Variants in AGBL1 observed in about 807,000 individuals in gnomAD.
AGBL1 encodes the protein AGBL carboxypeptidase 1.
AGBL1 carries 130 observed loss-of-function variants against 118.9 expected under a neutral mutation model. The ratio of observed to expected loss-of-function variants is 1.09; its 90% CI spans 0.95 to 1.26. AGBL1 has a LOEUF of 1.26. Ranked by LOEUF, AGBL1 falls within the 50% of genes most tolerant of loss-of-function variation. The pLI is 0.00. For missense variants in AGBL1, 1,584 were observed against 1,298.1 expected, an observed-to-expected ratio of 1.22 and a Z score of -3.38; for synonymous variants, 555 against 478.9, an observed-to-expected ratio of 1.16 and a Z score of -2.08.
chr15:86,842,285 T>C (rs2079256800), intron 22 of AGBL1, among the ~76,000 whole-genome samples: 1 of 152,174 alleles, frequency 6.6e-6, no homozygotes, highest in South Asian at 2.1e-4. Flanking sequence ...GGAAAGCTTT[T>C]ATTGAAATGG....
Position 86,404,109 on chromosome 15 carries a change from G to A in AGBL1, c.2555+6563G>A, listed in dbSNP as rs142063199. 1.3e-4 allele frequency among the ~76,000 whole-genome samples: 20 copies of A among 152,202 alleles called. No individual in the cohort carries two copies. In the East Asian group the frequency reaches 3.7e-3, roughly 28 times the overall value. ...GGATAGAGATATAAATAGAGTCTTAGCCCCATCAGCTGCTTGGTTCTGAAA... is the reference window on the plus strand; with the variant it reads ...GGATAGAGATATAAATAGAGTCTTAACCCCATCAGCTGCTTGGTTCTGAAA... On this transcript the variant is annotated intron_variant, in intron 18 of 22. Transcript: ENST00000614907.
At chr15:86,177,566 AT>A (rs1315969547) in intron 5 of AGBL1, among the ~76,000 whole-genome samples, 1 of 152,224 alleles carries the variant, frequency 6.6e-6, no homozygotes, top group Admixed American at 6.5e-5. Context: ...GTCACAATGA[AT>A]TTATAAGAAT....
intron 23 of AGBL1, among the ~76,000 whole-genome samples, chr15:86,940,819 G>A (rs1207284247): frequency 6.6e-6 from 1 of 152,106 alleles, no homozygotes; most frequent in East Asian, 1.9e-4. Context: ...CTTTTCTATT[G>A]TTTTGTTTCT....
At chr15:86,702,164 T>A (rs1391332746) in intron 22 of AGBL1, among the ~76,000 whole-genome samples, 1 of 152,118 alleles carries the variant, frequency 6.6e-6, no homozygotes, top group Non-Finnish European at 1.5e-5. Flanking sequence ...AATATAGACA[T>A]GAGTAAAGAG....
At chr15:86,080,877 A>G (rs1038845838) in intron 1 of AGBL1, among the ~76,000 whole-genome samples, 4 of 146,160 alleles carry the variant, frequency 2.7e-5, no homozygotes, top group African/African-American at 1.0e-4. Context: ...GGGGTCTTCT[A>G]CCCCAGGAGT....
chr15:86,535,258 C>G (rs1274262376), intron 19 of AGBL1, among the ~76,000 whole-genome samples: 4 of 152,204 alleles, frequency 2.6e-5, no homozygotes, highest in African/African-American at 7.2e-5. Flanking sequence ...AGCGGACAAG[C>G]TCTACAATCA....
chr15:86,102,077 C>T (rs1597393836), intron 1 of AGBL1, among the ~76,000 whole-genome samples: 1 of 149,634 alleles, frequency 6.7e-6, no homozygotes, highest in East Asian at 2.0e-4. Flanking sequence ...GTCTTGCTCT[C>T]TTGCCCAGGC....
At chr15:86,797,618 GC>G (rs1451147101) in intron 22 of AGBL1, among the ~76,000 whole-genome samples, 1 of 152,126 alleles carries the variant, frequency 6.6e-6, no homozygotes, top group African/African-American at 2.4e-5. Context: ...GGACAAAGAG[GC>G]CCTGCTTAAA....
chr15:86,325,378 T>G (rs2080168878), intron 17 of AGBL1, among the ~76,000 whole-genome samples: 1 of 152,168 alleles, frequency 6.6e-6, no homozygotes, highest in South Asian at 2.1e-4. Context: ...AAGGAAAGTT[T>G]CTTAAATGGG....
Position 86,110,187 on chromosome 15 carries a change from T to C in AGBL1, c.51+30164T>C, listed in dbSNP as rs1038441335. Among the ~76,000 whole-genome samples, 7 of 152,246 alleles carry C rather than the reference T, an allele frequency of 4.6e-5. 1 individual carries two copies. The South Asian group carries it at 6.2e-4, about 14-fold the overall frequency. On this transcript the variant is annotated intron_variant, in intron 1 of 22. Coordinates refer to ENST00000614907, the MANE Select transcript of AGBL1 (RefSeq NM_001386094.1). ...GTGACAAATAGCATTGAGGAGAAAA[T>C]TACAGTTGACCCTTAAACAACGTTG... is the stretch of plus-strand genomic sequence containing the variant.
intron 22 of AGBL1, among the ~76,000 whole-genome samples, chr15:86,769,563 C>A (rs1351819291): frequency 6.6e-6 from 1 of 151,940 alleles, no homozygotes; most frequent in African/African-American, 2.4e-5. Flanking sequence ...GAAACCTTTC[C>A]ATTGTCCAGT....
rs751970528 is a variant in AGBL1 at position 86,629,010 on chromosome 15, C to G, written c.2995-45263C>G. Among the ~76,000 whole-genome samples, 4 of 152,136 alleles carry G rather than the reference C, an allele frequency of 2.6e-5. 1 individual carries two copies. The South Asian group carries it at 8.3e-4, about 32-fold the overall frequency. ...TGTATCTGATGAGAACACTTAAGAT[C>G]TGGTCTCAGCAAATTTCGAGTATAC... On this transcript the variant is annotated intron_variant, in intron 21 of 22. Coordinates refer to ENST00000614907, the MANE Select transcript of AGBL1 (RefSeq NM_001386094.1).
chr15:86,889,551 G>A (rs935481009), intron 22 of AGBL1, among the ~76,000 whole-genome samples: 2 of 151,976 alleles, frequency 1.3e-5, no homozygotes, highest in Admixed American at 1.3e-4. Flanking sequence ...TCCCCCACCT[G>A]GCCCCCAACG....
chr15:86,187,361 GA>G (rs1295813017), intron 5 of AGBL1, among the ~76,000 whole-genome samples: 1 of 152,156 alleles, frequency 6.6e-6, no homozygotes, highest in Non-Finnish European at 1.5e-5. Context: ...TAAAACTTCA[GA>G]GTTCTGACTT....
intron 18 of AGBL1, among the ~76,000 whole-genome samples, chr15:86,406,984 C>T (rs1477786685): frequency 6.6e-6 from 1 of 152,072 alleles, no homozygotes; most frequent in Non-Finnish European, 1.5e-5. Flanking sequence ...AGATGTTATA[C>T]ATATTTTATA....
At chr15:86,748,960 T>G (rs1332062136) in intron 22 of AGBL1, among the ~76,000 whole-genome samples, 1 of 152,170 alleles carries the variant, frequency 6.6e-6, no homozygotes, top group Non-Finnish European at 1.5e-5. Flanking sequence ...TCCAGCTTTG[T>G]TCTTTTTGCT....
intron 22 of AGBL1, among the ~76,000 whole-genome samples, chr15:86,788,124 A>G (rs1351333357): frequency 6.6e-6 from 1 of 152,202 alleles, no homozygotes; most frequent in East Asian, 1.9e-4. Context: ...AACAGGATCT[A>G]GAAGTTGATG....
intron 21 of AGBL1, among the ~76,000 whole-genome samples, chr15:86,575,131 G>C (rs749316501): frequency 3.3e-5 from 5 of 152,082 alleles, no homozygotes; most frequent in Admixed American, 2.6e-4. Context: ...GGAGGTGACC[G>C]TGAGCCAAGA....
intron 18 of AGBL1, among the ~76,000 whole-genome samples, chr15:86,431,573 A>T (rs969101125): frequency 2.0e-5 from 3 of 152,164 alleles, no homozygotes; most frequent in Non-Finnish European, 2.9e-5. Flanking sequence ...TATTTCTGTA[A>T]CTTAGACTGA....
Sources: allele counts gnomAD v4.1 joint callset (sites outside exome capture counted in the v4.1 genomes callset), GRCh38; gene constraint gnomAD v4.1.1; transcripts MANE v1.5; gene names NCBI Gene and HGNC (gene_info 2026-07-23, HGNC 2026-07-21).